Variants in FHIT observed in about 807,000 individuals in gnomAD.
FHIT encodes the protein bis(5'-adenosyl)-triphosphatase.
In FHIT, 19 loss-of-function variants were observed where a neutral mutation model predicts 17.9. The ratio of observed to expected loss-of-function variants is 1.06; its 90% confidence interval spans 0.74 to 1.56. The LOEUF is 1.56. Ranked by LOEUF, FHIT falls within the 40% of genes most tolerant of loss-of-function variation. The pLI, the probability that FHIT is intolerant of heterozygous loss-of-function variation, is 0.00. For synonymous variants in FHIT, 81 were observed against 69.7 expected (o/e 1.16, Z -0.81); for missense variants, 248 against 189.2 (o/e 1.31, Z -1.82).
intron 5 of FHIT, among the ~76,000 whole-genome samples, chr3:60,442,915 T>C (rs1196916805): frequency 1.3e-5 from 2 of 152,170 alleles, no homozygotes; most frequent in Non-Finnish European, 2.9e-5. Flanking sequence ...GCATGGAATG[T>C]TCTTCCATTT....
chr3:60,938,785 G>A (rs760682888), intron 3 of FHIT, among the ~76,000 whole-genome samples: 30 of 152,122 alleles, frequency 2.0e-4, no homozygotes, highest in Non-Finnish European at 1.0e-4. Flanking sequence ...AGGAGGTCCC[G>A]TCCCCTCCAA....
chr3:60,136,125 G>A (rs761323886), intron 5 of FHIT, among the ~76,000 whole-genome samples: 17 of 152,086 alleles, frequency 1.1e-4, no homozygotes, highest in East Asian at 7.7e-4. Flanking sequence ...GTCAGCATGG[G>A]ATATATATTT....
intron 4 of FHIT, among the ~76,000 whole-genome samples, chr3:60,706,301 C>T (rs2041371787): frequency 1.3e-5 from 2 of 152,192 alleles, no homozygotes; most frequent in South Asian, 2.1e-4. Flanking sequence ...GGGCTTAAAA[C>T]CTAGATGACA....
chr3:60,410,689 T>C (rs1702029566), intron 5 of FHIT, among the ~76,000 whole-genome samples: 1 of 152,164 alleles, frequency 6.6e-6, no homozygotes, highest in South Asian at 2.1e-4. Context: ...CTTCATTTCA[T>C]TTTTAAAAAT....
intron 5 of FHIT, among the ~76,000 whole-genome samples, chr3:60,378,874 T>A (rs572964835): frequency 6.6e-6 from 1 of 152,062 alleles, no homozygotes; most frequent in South Asian, 2.1e-4. Flanking sequence ...TAAAGTAAGG[T>A]GAAAAAAGAT....
chr3:60,504,206 C>G (rs887197974), intron 5 of FHIT, among the ~76,000 whole-genome samples: 1 of 152,092 alleles, frequency 6.6e-6, no homozygotes, highest in African/African-American at 2.4e-5. Flanking sequence ...GCGGCCGAGG[C>G]GGGCAGATCA....
intron 2 of FHIT, among the ~76,000 whole-genome samples, chr3:61,061,699 GT>G (rs1357494908): frequency 6.6e-6 from 1 of 151,988 alleles, no homozygotes; most frequent in Non-Finnish European, 1.5e-5. Context: ...ACATGACATT[GT>G]CCCTCGGGAG....
At chr3:60,434,124 C>G (rs1385895835) in intron 5 of FHIT, among the ~76,000 whole-genome samples, 1 of 151,952 alleles carries the variant, frequency 6.6e-6, no homozygotes, top group Non-Finnish European at 1.5e-5. Context: ...TTTATTATAC[C>G]ATATTCAACC....
chr3:60,697,816 A>G (rs1406080854), intron 4 of FHIT, among the ~76,000 whole-genome samples: 1 of 152,222 alleles, frequency 6.6e-6, no homozygotes, highest in East Asian at 1.9e-4. Flanking sequence ...AAAGAAGCTG[A>G]CCATTATAAA....
chr3:60,710,928 C>A (rs1553704901), intron 4 of FHIT, among the ~76,000 whole-genome samples: 1 of 152,206 alleles, frequency 6.6e-6, no homozygotes, highest in Non-Finnish European at 1.5e-5. Flanking sequence ...CAGTGGTTCT[C>A]CCAGCATGCA....
At chr3:60,967,645 A>T (rs911740187) in intron 3 of FHIT, among the ~76,000 whole-genome samples, 2 of 152,206 alleles carry the variant, frequency 1.3e-5, no homozygotes, top group Admixed American at 1.3e-4. Flanking sequence ...AGGAGCAGGT[A>T]TCAGTTTCTA....
At chr3:61,194,146 A>G (rs984636238) in intron 2 of FHIT, among the ~76,000 whole-genome samples, 2 of 152,140 alleles carry the variant, frequency 1.3e-5, no homozygotes, top group African/African-American at 2.4e-5. Flanking sequence ...CAGGGCCTCT[A>G]TGGAATGAGG....
intron 7 of FHIT, among the ~76,000 whole-genome samples, chr3:59,966,667 T>C (rs1374036522): frequency 6.6e-6 from 1 of 152,182 alleles, no homozygotes; most frequent in African/African-American, 2.4e-5. Flanking sequence ...AGTAAAACTA[T>C]GGTATAAAAG....
chr3:59,885,441 C>CTTTTTTT (rs60795525), intron 8 of FHIT, among the ~76,000 whole-genome samples: 10 of 136,028 alleles, frequency 7.4e-5, no homozygotes, highest in African/African-American at 2.4e-4. Flanking sequence ...CTACCTGATG[C>CTTTTTTT]TTTTTTTTTT....
At chr3:61,041,354 T>G (rs1219107054) in intron 3 of FHIT, among the ~76,000 whole-genome samples, 1 of 151,222 alleles carries the variant, frequency 6.6e-6, no homozygotes, top group Non-Finnish European at 1.5e-5. Flanking sequence ...TGCAGCCTGG[T>G]GACAGAGCCT....
chr3:60,644,703 C>G (rs1268373253), intron 4 of FHIT, among the ~76,000 whole-genome samples: 1 of 152,190 alleles, frequency 6.6e-6, no homozygotes, highest in Non-Finnish European at 1.5e-5. Context: ...ATGGGCAGTT[C>G]TAAAACAACT....
At chr3:60,620,480 T>C (rs1456962094) in intron 4 of FHIT, among the ~76,000 whole-genome samples, 1 of 152,066 alleles carries the variant, frequency 6.6e-6, no homozygotes, top group Non-Finnish European at 1.5e-5. Context: ...AATGAGCTGT[T>C]GAGCCACAGA....
At chr3:60,243,070 A>T (rs1705217111) in intron 5 of FHIT, among the ~76,000 whole-genome samples, 1 of 152,010 alleles carries the variant, frequency 6.6e-6, no homozygotes, top group African/African-American at 2.4e-5. Flanking sequence ...AACTAAAAAA[A>T]AAAAAAAAAT....
chr3:61,231,451 TGCATTCCAGCCTGGGCAAAA>T (rs1226449210), intron 1 of FHIT, among the ~76,000 whole-genome samples: 4 of 151,270 alleles, frequency 2.6e-5, no homozygotes, highest in African/African-American at 9.7e-5. Flanking sequence ...ATCATGCCAC[TGCATTCCAGCCTGGGCAAAA>T]GAGTGAGTCT....
Sources: gnomAD v4.1 joint callset for allele counts (sites outside exome capture counted in the v4.1 genomes callset) on GRCh38, gnomAD v4.1.1 for gene constraint, MANE v1.5 for transcripts, NCBI Gene and HGNC (gene_info 2026-07-23, HGNC 2026-07-21) for gene names.